The following GRID2 variants were observed in gnomAD, a reference collection of about 807,000 sequenced individuals.
The protein encoded by GRID2 is glutamate ionotropic receptor delta type subunit 2, also known as glutamate receptor ionotropic, delta-2.
A neutral mutation model predicts 114.8 loss-of-function variants in GRID2; 33 were observed. The observed-to-expected ratio is 0.29, with a 90% CI of 0.22 to 0.38. The LOEUF (loss-of-function observed/expected upper bound fraction) is 0.38, where lower values mean the gene tolerates loss of function less well. Among genes scored for constraint, GRID2 ranks in the 10% least tolerant of loss-of-function variants. The pLI is 1.00. For missense variants in GRID2, 1,184 were observed against 1,257.7 expected, an observed-to-expected ratio of 0.94 and a Z score of 0.89; for synonymous variants, 505 against 449.9, an observed-to-expected ratio of 1.12 and a Z score of -1.55.
chr4:93,578,587 ATTTTTTTTT>A (rs59397408), intron 13 of GRID2, among the ~76,000 whole-genome samples: 5 of 83,930 alleles, frequency 6.0e-5, no homozygotes, highest in South Asian at 4.5e-4. Flanking sequence ...TGTTTTTTGT[ATTTTTTTTT>A]TTTTTTTTTT....
At chr4:92,486,419 A>C (rs1473981398) in intron 1 of GRID2, among the ~76,000 whole-genome samples, 1 of 151,852 alleles carries the variant, frequency 6.6e-6, no homozygotes. Flanking sequence ...AATATAATAA[A>C]ACTTGAAAGT....
chr4:92,909,659 T>C (rs1748221236), intron 2 of GRID2, among the ~76,000 whole-genome samples: 1 of 152,162 alleles, frequency 6.6e-6, no homozygotes, highest in Admixed American at 6.6e-5. Context: ...AGTGTAAAAA[T>C]GTGTCTTATA....
chr4:93,745,426 A>T (rs1202008768), intron 14 of GRID2, among the ~76,000 whole-genome samples: 2 of 152,160 alleles, frequency 1.3e-5, no homozygotes, highest in Non-Finnish European at 1.5e-5. Context: ...AACAAAGTAG[A>T]TTACACAGCA....
chr4:92,342,874 G>C (rs1727570702), intron 1 of GRID2, among the ~76,000 whole-genome samples: 1 of 152,128 alleles, frequency 6.6e-6, no homozygotes, highest in Admixed American at 6.5e-5. Context: ...CTGGGAATGA[G>C]TTGACAACCT....
intron 1 of GRID2, among the ~76,000 whole-genome samples, chr4:92,312,074 CAG>C: frequency 6.6e-6 from 1 of 151,852 alleles, no homozygotes; most frequent in South Asian, 2.1e-4. Flanking sequence ...ATAATTCAGT[CAG>C]AGGATATAGC....
chr4:93,323,333 G>T (rs1471401512), intron 8 of GRID2, among the ~76,000 whole-genome samples: 1 of 152,022 alleles, frequency 6.6e-6, no homozygotes, highest in Non-Finnish European at 1.5e-5. Context: ...TTTTTGTCAG[G>T]TTTGTCAAAG....
intron 2 of GRID2, among the ~76,000 whole-genome samples, chr4:92,809,858 C>T (rs1055993867): frequency 6.6e-6 from 1 of 151,884 alleles, no homozygotes; most frequent in African/African-American, 2.4e-5. Context: ...GTAAATATAT[C>T]ATAATATTTA....
chr4:93,545,790 C>CTG (rs2149534195), intron 13 of GRID2, among the ~76,000 whole-genome samples: 1 of 151,614 alleles, frequency 6.6e-6, no homozygotes, highest in African/African-American at 2.4e-5. Flanking sequence ...TATTATACCA[C>CTG]AAAAAAATAT....
At chr4:93,308,502 C>G (rs6532399) in intron 8 of GRID2, among the ~76,000 whole-genome samples, 1 of 151,980 alleles carries the variant, frequency 6.6e-6, no homozygotes, top group Non-Finnish European at 1.5e-5. Flanking sequence ...TAAACTCAGT[C>G]GAAGTGAGCT....
At chr4:92,722,136 C>T (rs1226971188) in intron 2 of GRID2, among the ~76,000 whole-genome samples, 1 of 152,086 alleles carries the variant, frequency 6.6e-6, no homozygotes, top group East Asian at 1.9e-4. Context: ...CAGTGTAGTC[C>T]GTGAGAGACA....
intron 2 of GRID2, among the ~76,000 whole-genome samples, chr4:92,667,210 G>T (rs1373605994): frequency 6.6e-6 from 1 of 151,600 alleles, no homozygotes; most frequent in East Asian, 1.9e-4. Context: ...TTTTGCTTGT[G>T]TAATTATTGT....
At chr4:93,429,589 T>A (rs1184592730) in intron 10 of GRID2, among the ~76,000 whole-genome samples, 2 of 152,192 alleles carry the variant, frequency 1.3e-5, no homozygotes, top group African/African-American at 2.4e-5. Flanking sequence ...CTCTTCATGC[T>A]AACTGATTAT....
intron 2 of GRID2, among the ~76,000 whole-genome samples, chr4:92,978,188 C>G (rs191209192): frequency 6.6e-6 from 1 of 152,100 alleles, no homozygotes; most frequent in South Asian, 2.1e-4. Context: ...GAAACCAAGA[C>G]GCACTGAATG....
chr4:92,643,898 T>C (rs887330657), intron 2 of GRID2, among the ~76,000 whole-genome samples: 1 of 151,858 alleles, frequency 6.6e-6, no homozygotes, highest in African/African-American at 2.4e-5. Flanking sequence ...TCTTTTTCAA[T>C]TGCAAAGTGT....
chr4:93,314,103 A>G (rs1376668415), intron 8 of GRID2, among the ~76,000 whole-genome samples: 2 of 151,994 alleles, frequency 1.3e-5, no homozygotes, highest in Non-Finnish European at 2.9e-5. Flanking sequence ...TCAGAAGTTC[A>G]AGACAAGCCT....
chr4:93,214,420 T>C (rs1489004382), intron 5 of GRID2, among the ~76,000 whole-genome samples: 1 of 152,062 alleles, frequency 6.6e-6, no homozygotes, highest in Non-Finnish European at 1.5e-5. Flanking sequence ...AAATGCCCCT[T>C]TTGAAATGCG....
At chr4:92,740,905 C>T (rs916244567) in intron 2 of GRID2, among the ~76,000 whole-genome samples, 1 of 152,042 alleles carries the variant, frequency 6.6e-6, no homozygotes, top group Non-Finnish European at 1.5e-5. Flanking sequence ...TGCCACCATG[C>T]CTGACTTATT....
chr4:92,959,003 C>A (rs1026179519), intron 2 of GRID2, among the ~76,000 whole-genome samples: 3 of 146,856 alleles, frequency 2.0e-5, no homozygotes, highest in African/African-American at 5.0e-5. Context: ...TCCATTAGAT[C>A]TGTAGTGATG....
intron 2 of GRID2, among the ~76,000 whole-genome samples, chr4:92,607,024 A>C (rs910977669): frequency 1.3e-5 from 2 of 152,036 alleles, no homozygotes; most frequent in Non-Finnish European, 2.9e-5. Context: ...AAAGGCAGTA[A>C]GTCTGAGCAG....
Sources: gnomAD v4.1 joint callset for allele counts (sites outside exome capture counted in the v4.1 genomes callset) on GRCh38, gnomAD v4.1.1 for gene constraint, MANE v1.5 for transcripts, NCBI Gene and HGNC (gene_info 2026-07-23, HGNC 2026-07-21) for gene names.